SRP72: variants seen among roughly 807,000 people sequenced by gnomAD.
The protein encoded by SRP72 is signal recognition particle subunit SRP72.
In SRP72, 49 loss-of-function variants were observed where a neutral mutation model predicts 96.3. The ratio of observed to expected loss-of-function variants is 0.51; its 90% CI spans 0.40 to 0.65. The LOEUF (loss-of-function observed/expected upper bound fraction) is 0.65, where lower values mean the gene tolerates loss of function less well. SRP72 is among the 30% of genes least tolerant of loss of function. SRP72 has a pLI of 0.00. For synonymous variants in SRP72, 267 were observed against 275.2 expected, an observed-to-expected ratio of 0.97 and a Z score of 0.30; for missense variants, 736 against 793.3, an observed-to-expected ratio of 0.93 and a Z score of 0.87.
chr4:56,499,515 C>A (rs191038949), intron 17 of SRP72, among the ~76,000 whole-genome samples: 6 of 151,978 alleles, frequency 3.9e-5, no homozygotes, highest in Admixed American at 2.0e-4. Context: ...CAAAGAACTT[C>A]AACAAATTTA....
chr4:56,495,748 A>G (rs1195614963), intron 17 of SRP72, among the ~76,000 whole-genome samples: 1 of 150,572 alleles, frequency 6.6e-6, no homozygotes, highest in African/African-American at 2.4e-5. Context: ...GTAAGCACTT[A>G]CACATTTTGA....
At chr4:56,476,798 G>C in intron 6 of SRP72, 96 bp downstream of exon 6, 1 of 1,283,112 alleles carries the variant, frequency 7.8e-7, no homozygotes, top group Non-Finnish European at 1.1e-6. Context: ...TTTTTTAGAA[G>C]ATGGCAATTC....
At position 56,478,757 on chromosome 4, in the gene SRP72, A is replaced by G. The variant is rs967041004; in HGVS notation, c.825+108A>G. On this transcript the variant is annotated intron_variant, in intron 8 of 18. Coordinates refer to ENST00000642900, the MANE Select transcript of SRP72 (RefSeq NM_006947.4). Reference sequence around the variant, plus strand: ...TAAGTGTTCTTTTTAACATGATGAAAAAAGTCCAGTTGTAGCAAAATCACA... The same window carrying G: ...TAAGTGTTCTTTTTAACATGATGAAGAAAGTCCAGTTGTAGCAAAATCACA... The G allele has an allele frequency of 6.2e-5, 70 of 1,128,796 alleles. 1 individual carries two copies. The South Asian group carries it at 8.6e-4, about 14-fold the overall frequency. 69.9% of individuals were successfully genotyped at this position (1,128,796 alleles called of 1,614,324 possible).
chr4:56,477,772 C>A (rs1235377179), intron 6 of SRP72, among the ~76,000 whole-genome samples: 1 of 152,150 alleles, frequency 6.6e-6, no homozygotes, highest in Non-Finnish European at 1.5e-5. Context: ...ATTGTACAGC[C>A]TTTTCAGAAG....
chr4:56,483,191 GAGT>G lies in SRP72; in HGVS notation c.881_883del (p.Val294del). The G allele has an allele frequency of 1.2e-6, 2 of 1,612,016 alleles. No homozygotes were observed. The highest frequency in any genetic ancestry group is 2.2e-5 in the South Asian group (2 of 90,950). On this transcript the variant is annotated inframe_deletion, in exon 9 of 19. Transcript: ENST00000642900. The stretch of plus-strand genomic sequence containing the variant: ...AAAGTGAAATTAACCAATGCGGAAG[GAGT>G]AGAGTTTAAGCTTTCCAAGAAACAA...
At chr4:56,486,901 G>A (rs942442997) in intron 11 of SRP72, among the ~76,000 whole-genome samples, 1 of 152,172 alleles carries the variant, frequency 6.6e-6, no homozygotes, top group Non-Finnish European at 1.5e-5. Flanking sequence ...GTTTTTGTCT[G>A]TGGTTTTCAT....
intron 2 of SRP72, among the ~76,000 whole-genome samples, chr4:56,470,499 C>T (rs1394728361): frequency 1.3e-5 from 2 of 149,456 alleles, no homozygotes; most frequent in African/African-American, 4.9e-5. Flanking sequence ...GAGATCGTGC[C>T]ATTGCACTCC....
intron 17 of SRP72, among the ~76,000 whole-genome samples, chr4:56,500,115 C>T (rs1331274804): frequency 6.6e-6 from 1 of 152,120 alleles, no homozygotes; most frequent in Admixed American, 6.5e-5. Flanking sequence ...AACACAGGAA[C>T]AGAAAACCAA....
At chr4:56,481,753 C>T (rs560186189) in intron 8 of SRP72, among the ~76,000 whole-genome samples, 1 of 148,132 alleles carries the variant, frequency 6.8e-6, no homozygotes, top group Non-Finnish European at 1.5e-5. Context: ...CTGTGTTGAG[C>T]ATATCTGTTG....
Position 56,489,464 on chromosome 4 carries a change from A to G in SRP72, c.1301A>G (p.Gln434Arg). 1 of 1,591,036 alleles carries G rather than the reference A, an allele frequency of 6.3e-7. No homozygotes were observed. ...SAIEVFTQAI[Q>R]WYQNHQPKSP... ...ATTGAGGTCTTCACACAAGCTATCC[A>G]GTGGTATCAAAACCATCAGGTAAAT... Residue 434 changes from glutamine to arginine, a missense_variant, in exon 13 of 19, where the codon CAG becomes CGG. Physicochemically the swap from Gln to Arg is conservative, Grantham distance 43 (BLOSUM62 1). This residue lies in a region of SRP72 where 388 missense variants were observed against 431.8 expected (regional missense o/e 0.90). Coordinates refer to ENST00000642900, the MANE Select transcript of SRP72 (RefSeq NM_006947.4).
intron 17 of SRP72, among the ~76,000 whole-genome samples, chr4:56,498,851 T>TTATAAATTC (rs1553948177): frequency 1.3e-5 from 2 of 152,128 alleles, no homozygotes; most frequent in African/African-American, 4.8e-5. Flanking sequence ...CTAAAGTAAT[T>TTATAAATTC]TATAGATTCA....
chr4:56,485,151 T>C (rs962046068), intron 10 of SRP72, among the ~76,000 whole-genome samples: 6 of 152,214 alleles, frequency 3.9e-5, no homozygotes, highest in African/African-American at 1.4e-4. Context: ...TAGGCATGTA[T>C]AATTCCAGAA....
intron 8 of SRP72, among the ~76,000 whole-genome samples, chr4:56,481,075 A>G (rs1180313654): frequency 6.6e-6 from 1 of 152,230 alleles, no homozygotes; most frequent in Non-Finnish European, 1.5e-5. Context: ...GACGTGCACA[A>G]TTAATTGAAG....
rs532411300 is a variant in SRP72 at position 56,502,535 on chromosome 4, G to A, written c.*674G>A. 6 of 135,696 alleles carry A rather than the reference G, an allele frequency of 4.4e-5. No homozygotes were observed. The highest frequency in any genetic ancestry group is 6.2e-5 in the Non-Finnish European group (4 of 64,038). 8.4% of individuals were successfully genotyped at this position (135,696 alleles called of 1,614,324 possible). A position where few individuals can be genotyped will look rare whatever the true frequency, so the allele number is the denominator to read the frequency against. On this transcript the variant is annotated 3_prime_UTR_variant, in exon 19 of 19. Transcript: ENST00000642900. The stretch of plus-strand genomic sequence containing the variant: ...TATAAACATGAAATATATATATATG[G>A]CTCCTTTGTGCCCCATGTCATTTTC...
chr4:56,470,565 G>A (rs1337149703), intron 2 of SRP72, among the ~76,000 whole-genome samples: 2 of 151,764 alleles, frequency 1.3e-5, no homozygotes, highest in East Asian at 1.9e-4. Flanking sequence ...ATTTGTAGGA[G>A]GTAATAGGAA....
At position 56,478,193 on chromosome 4, in the gene SRP72, G is replaced by T. The variant is rs149180607; in HGVS notation, c.643-186G>T. ...TTTCTTTAGATACTTCTTAGAAGTT[G>T]AAGTCTTTTTGCTGTTTTCACTTAA... On this transcript the variant is annotated intron_variant, in intron 6 of 18. Transcript: ENST00000642900. 2.9e-3 allele frequency among the ~76,000 whole-genome samples: 327 copies of T among 114,660 alleles called. 3 individuals carry two copies. The highest frequency in any genetic ancestry group is 0.01 in the African/African-American group (319 of 31,296). The allele number at this position is 114,660 out of a possible 152,430, so 75.2% of individuals were successfully genotyped here.
At chr4:56,473,400 G>A (rs1368262932) in intron 3 of SRP72, among the ~76,000 whole-genome samples, 2 of 151,592 alleles carry the variant, frequency 1.3e-5, no homozygotes, top group Admixed American at 6.6e-5. Flanking sequence ...GGAGCTTGCA[G>A]TGAGCCGAGA....
At chr4:56,491,711 T>C in intron 16 of SRP72, 143 bp downstream of exon 16, 1 of 750,742 alleles carries the variant, frequency 1.3e-6, no homozygotes, top group South Asian at 2.5e-5. Context: ...GCCCAGCTCT[T>C]TGTCCTTATT....
Position 56,474,282 on chromosome 4 carries a change from G to C in SRP72, c.501G>C (p.Glu167Asp), listed in dbSNP as rs765970405. The change falls in exon 5 of 19, where the codon GAG (glutamate) becomes GAC (aspartate). Residue 167 changes from glutamate to aspartate, a missense_variant and splice_region_variant. Around this residue, in one of 3 missense-constraint regions of SRP72, gnomAD observed 329 missense variants for 319.0 expected, o/e 1.03. Transcript: ENST00000642900. ...ACTGGTATTTTGTCCCCTGACAGGA[G>C]AACCTGGGCCTCCAAGAAGGCACAC... Reference protein sequence around the residue: ...AQSNWEKVVPENLGLQEGTHE... With the variant: ...AQSNWEKVVPDNLGLQEGTHE... 1.2e-6 allele frequency: 2 copies of C among 1,613,872 alleles called. No individual in the cohort carries two copies. The highest frequency in any genetic ancestry group is 4.5e-5 in the East Asian group (2 of 44,876).
Sources: allele counts gnomAD v4.1 joint callset (sites outside exome capture counted in the v4.1 genomes callset), GRCh38; gene constraint gnomAD v4.1.1; regional missense constraint gnomAD v4.1.1; transcripts MANE v1.5; gene names NCBI Gene and HGNC (gene_info 2026-07-23, HGNC 2026-07-21).